The following NPHP4 variants were observed in gnomAD, a reference collection of about 807,000 sequenced individuals.
NPHP4 encodes the protein nephrocystin-4.
NPHP4 carries 151 observed loss-of-function variants against 155.8 expected under a neutral mutation model. The ratio of observed to expected loss-of-function variants is 0.97; its 90% CI spans 0.85 to 1.11. The LOEUF (loss-of-function observed/expected upper bound fraction) is 1.11, where lower values mean the gene tolerates loss of function less well. Among genes scored for constraint, NPHP4 ranks in the 50% least tolerant of loss-of-function variants. NPHP4 has a pLI of 0.00. For missense variants in NPHP4, 1,956 were observed against 1,925.7 expected (o/e 1.02, Z -0.29); for synonymous variants, 845 against 816.8 (o/e 1.03, Z -0.59).
intron 25 of NPHP4, 142 bp downstream of exon 25, chr1:5,866,888 T>C: frequency 1.5e-6 from 1 of 655,296 alleles, no homozygotes. Flanking sequence ...GATGTCAAAA[T>C]AGCCCTTTAG....
chr1:5,878,150 C>T (rs1642814974), intron 19 of NPHP4, among the ~76,000 whole-genome samples: 1 of 152,230 alleles, frequency 6.6e-6, no homozygotes, highest in Admixed American at 6.5e-5. Context: ...GCAGAAACTT[C>T]CCACAGGAAA....
intron 3 of NPHP4, among the ~76,000 whole-genome samples, chr1:5,972,352 G>A (rs575709000): frequency 5.8e-4 from 7 of 12,010 alleles, no homozygotes; most frequent in South Asian, 0.021. Flanking sequence ...AGCAGGGATC[G>A]GGGGAGCCCA....
intron 5 of NPHP4, among the ~76,000 whole-genome samples, chr1:5,962,847 G>A (rs1487833921): frequency 6.6e-6 from 1 of 152,192 alleles, no homozygotes; most frequent in East Asian, 1.9e-4. Flanking sequence ...GGGAGTGCGG[G>A]GAGAGGCACA....
intron 4 of NPHP4, 78 bp from the exon 5 acceptor site, chr1:5,967,441 A>G: frequency 9.1e-7 from 1 of 1,093,340 alleles, no homozygotes; most frequent in Non-Finnish European, 1.4e-6. Flanking sequence ...GGCCTCAGCC[A>G]CCACCACGCC....
At chr1:5,918,280 T>C (rs1333843631) in intron 11 of NPHP4, among the ~76,000 whole-genome samples, 1 of 152,208 alleles carries the variant, frequency 6.6e-6, no homozygotes, top group Non-Finnish European at 1.5e-5. Context: ...ATATATGCCT[T>C]TTTAAATGTG....
In NPHP4 at chr1:5,863,250, G is replaced by A. The variant is rs369785925; in HGVS notation, c.*15C>T. Reference sequence around the variant, plus strand: ...CCCAGCTGGGTGCCGCAGGAAGGACGTCACCCTCAAGCCCTCACTGGTAGA... The same window carrying A: ...CCCAGCTGGGTGCCGCAGGAAGGACATCACCCTCAAGCCCTCACTGGTAGA... On this transcript the variant is annotated 3_prime_UTR_variant, in exon 30 of 30. Coordinates refer to ENST00000378156, the MANE Select transcript of NPHP4 (RefSeq NM_015102.5). The A allele has an allele frequency of 4.0e-5, 64 of 1,613,820 alleles. No homozygotes were observed. The highest frequency in any genetic ancestry group is 1.6e-4 in the Middle Eastern group (1 of 6,082).
At chr1:5,964,442 C>T (rs1459479969) in intron 5 of NPHP4, among the ~76,000 whole-genome samples, 2 of 152,178 alleles carry the variant, frequency 1.3e-5, no homozygotes, top group African/African-American at 4.8e-5. Context: ...AACAGGTGAG[C>T]CCCAGTTGCC....
At position 5,953,762 on chromosome 1, in the gene NPHP4, C is replaced by A. The variant is rs900146725; in HGVS notation, c.674-926G>T. Among the ~76,000 whole-genome samples the A allele has an allele frequency of 1.2e-4, 19 of 152,322 alleles. No homozygotes were observed. The East Asian group carries it at 3.7e-3, about 29-fold the overall frequency. On this transcript the variant is annotated intron_variant, in intron 6 of 29. Coordinates refer to ENST00000378156, the MANE Select transcript of NPHP4 (RefSeq NM_015102.5). ...CCCTGGGCTGCCTGGGGAGCCTTCT[C>A]CACTTGCTCTAGAGCAAAGGCTCAT...
At chr1:5,907,594 G>A (rs115549008) in intron 12 of NPHP4, among the ~76,000 whole-genome samples, 203 of 152,352 alleles carry the variant, frequency 1.3e-3, no homozygotes, top group African/African-American at 4.7e-3. Flanking sequence ...AGTTCTAGCC[G>A]CCTGCGTTCC....
chr1:5,968,339 C>T (rs753574896), intron 4 of NPHP4, among the ~76,000 whole-genome samples: 1 of 152,146 alleles, frequency 6.6e-6, no homozygotes. Context: ...CAGCGGCTCA[C>T]GTCTGTAATC....
chr1:5,889,024 G>C lies in NPHP4; in HGVS notation c.2305-1558C>G, dbSNP rs1337801751. On this transcript the variant is annotated intron_variant, in intron 17 of 29. Coordinates refer to ENST00000378156, the MANE Select transcript of NPHP4 (RefSeq NM_015102.5). This position sits in a 1 kb window ranked among gnomAD's most constrained non-coding sequence, Gnocchi z 4.2. ...TCCACCAGAAACAAGGATAAAAACA[G>C]AACTGCCCCAGGGCTGGGCTAGGGG... Among the ~76,000 whole-genome samples, 1 of 152,230 alleles carries C rather than the reference G, an allele frequency of 6.6e-6. No individual in the cohort carries two copies. The highest frequency in any genetic ancestry group is 1.9e-4 in the East Asian group (1 of 5,202).
intron 11 of NPHP4, among the ~76,000 whole-genome samples, chr1:5,913,102 G>C (rs1171170727): frequency 6.8e-6 from 1 of 146,162 alleles, no homozygotes; most frequent in Non-Finnish European, 1.5e-5. Context: ...AATGAGCAGA[G>C]ATCGCGCCAC....
At chr1:5,888,333 G>A in intron 17 of NPHP4, 1 of 1,056,964 alleles carries the variant, frequency 9.5e-7, no homozygotes, top group African/African-American at 1.7e-5. Flanking sequence ...CTTCCCCCGT[G>A]CCCTCTCTGC....
At position 5,952,803 on chromosome 1, in the gene NPHP4, G is replaced by A; in HGVS notation, c.707C>T (p.Pro236Leu). The change falls in exon 7 of 30, where the codon CCC (proline) becomes CTC (leucine). Residue 236 changes from proline to leucine, a missense_variant. Coordinates refer to ENST00000378156, the MANE Select transcript of NPHP4 (RefSeq NM_015102.5). ...TAAGTCATCCAAGTGCCCCGTGATG[G>A]GCTTCTGGAGGCGAGGCTTTCGGAG... ...DALRKPRLQKPITGHLDDLFF... is the reference protein window; with the variant it reads ...DALRKPRLQKLITGHLDDLFF... The A allele has an allele frequency of 1.9e-6, 3 of 1,599,098 alleles. No homozygotes were observed. Among genetic ancestry groups the A allele is most frequent in the Non-Finnish European group, 2.6e-6 (3 of 1,172,996 alleles).
chr1:5,868,441 G>A (rs1372137344), intron 23 of NPHP4: 4 of 247,210 alleles, frequency 1.6e-5, no homozygotes, highest in African/African-American at 4.5e-5. Flanking sequence ...ATTGTCTGAA[G>A]AGGTATTAAT....
intron 16 of NPHP4, among the ~76,000 whole-genome samples, chr1:5,893,306 T>C (rs573112283): frequency 1.3e-5 from 2 of 151,990 alleles, no homozygotes; most frequent in African/African-American, 2.4e-5. Context: ...CAGAGACCGG[T>C]AGTGGCCCCG....
intron 7 of NPHP4, among the ~76,000 whole-genome samples, chr1:5,951,808 C>T (rs1352868622): frequency 1.3e-5 from 2 of 152,234 alleles, no homozygotes; most frequent in Non-Finnish European, 2.9e-5. Flanking sequence ...AAATCCAAGA[C>T]AACTTTTGCT....
chr1:5,918,615 C>T (rs560956204), intron 11 of NPHP4, among the ~76,000 whole-genome samples: 1 of 152,260 alleles, frequency 6.6e-6, no homozygotes, highest in South Asian at 2.1e-4. Flanking sequence ...ATACAAACCT[C>T]TCATAAGCCT....
intron 16 of NPHP4, among the ~76,000 whole-genome samples, chr1:5,893,083 C>T (rs984210125): frequency 2.0e-5 from 3 of 152,262 alleles, no homozygotes; most frequent in East Asian, 3.9e-4. Context: ...TCGACCTTAA[C>T]GCAGCACCCC....
Sources: gnomAD v4.1 joint callset for allele counts (sites outside exome capture counted in the v4.1 genomes callset) on GRCh38, gnomAD v4.1.1 for gene constraint, Gnocchi (gnomAD v3.1) non-coding constraint, MANE v1.5 for transcripts, NCBI Gene and HGNC (gene_info 2026-07-23, HGNC 2026-07-21) for gene names.